PTPRC: variants seen among roughly 807,000 people sequenced by gnomAD.
PTPRC encodes the protein receptor-type tyrosine-protein phosphatase C.
A neutral mutation model predicts 155.9 loss-of-function variants in PTPRC; 44 were observed. The observed-to-expected ratio is 0.28, with a 90% CI of 0.22 to 0.36. The LOEUF (loss-of-function observed/expected upper bound fraction) is 0.36. PTPRC is among the 10% of genes least tolerant of loss of function. The pLI, the probability that PTPRC is intolerant of heterozygous loss-of-function variation, is 1.00. For missense variants in PTPRC, 1,401 were observed against 1,564.6 expected, an observed-to-expected ratio of 0.90 and a Z score of 1.76; for synonymous variants, 525 against 533.1, an observed-to-expected ratio of 0.98 and a Z score of 0.21.
At chr1:198,666,561 A>G (rs1664320768) in intron 2 of PTPRC, among the ~76,000 whole-genome samples, 1 of 152,236 alleles carries the variant, frequency 6.6e-6, no homozygotes, top group Non-Finnish European at 1.5e-5. Context: ...AGCTTAATAT[A>G]TGATGTGATA....
chr1:198,684,330 T>C (rs1003081572), intron 2 of PTPRC, among the ~76,000 whole-genome samples: 1 of 151,838 alleles, frequency 6.6e-6, no homozygotes, highest in Non-Finnish European at 1.5e-5. Context: ...CAAAGTCATA[T>C]GTATTCACAA....
At position 198,730,419 on chromosome 1, in the gene PTPRC, C is replaced by T. The variant is rs146408951; in HGVS notation, c.1865-1198C>T. ...AACTAGAATGTAAGCTTTGTGAAAG[C>T]GTGGAGGCTTTTTTCTTATTCACTG... On this transcript the variant is annotated intron_variant, in intron 17 of 32. Transcript: ENST00000442510. Among the ~76,000 whole-genome samples the T allele has an allele frequency of 1.3e-3, 197 of 152,202 alleles. 1 individual carries two copies. The highest frequency in any genetic ancestry group is 4.4e-3 in the African/African-American group (184 of 41,540).
chr1:198,712,677 T>C, intron 11 of PTPRC: 1 of 368,022 alleles, frequency 2.7e-6, no homozygotes, highest in East Asian at 5.6e-5. Context: ...CAAGAATATA[T>C]ATGAATAATG....
chr1:198,734,941 G>A (rs1050135921), intron 22 of PTPRC, among the ~76,000 whole-genome samples, 186 bp from the exon 23 acceptor site: 3 of 151,614 alleles, frequency 2.0e-5, no homozygotes, highest in Non-Finnish European at 4.4e-5. Flanking sequence ...AATTCTTCAG[G>A]ACACATTAGT....
intron 23 of PTPRC, among the ~76,000 whole-genome samples, chr1:198,741,446 AG>A (rs1371959931): frequency 6.6e-6 from 1 of 151,864 alleles, no homozygotes; most frequent in African/African-American, 2.4e-5. Context: ...TATTTTAAAC[AG>A]TTGTGAGAAT....
At chr1:198,704,751 G>T (rs998915380) in intron 8 of PTPRC, among the ~76,000 whole-genome samples, 1 of 152,146 alleles carries the variant, frequency 6.6e-6, no homozygotes, top group Admixed American at 6.5e-5. Context: ...TACCTATATT[G>T]GGAACTGTGC....
intron 2 of PTPRC, among the ~76,000 whole-genome samples, chr1:198,681,870 A>G (rs1665353189): frequency 6.6e-6 from 1 of 152,214 alleles, no homozygotes; most frequent in Non-Finnish European, 1.5e-5. Flanking sequence ...AGCATTTTGT[A>G]GCAGTTAAAT....
rs1478836105 is a variant in PTPRC at position 198,716,764 on chromosome 1, A to G, written c.1374A>G (p.Ser458=). 2 of 1,613,260 alleles carry G rather than the reference A, an allele frequency of 1.2e-6. No homozygotes were observed. The highest frequency in any genetic ancestry group is 1.7e-6 in the Non-Finnish European group (2 of 1,179,898). ...AACCTTATACGAAATATGTTTTATCATTACATGCCTACATCATTGCAAAAG... is the reference window on the plus strand; with the variant it reads ...AACCTTATACGAAATATGTTTTATCGTTACATGCCTACATCATTGCAAAAG... ...NLKPYTKYVL[S]LHAYIIAKVQ... The change falls in exon 13 of 33, where the codon TCA becomes TCG. Residue 458 remains serine, a synonymous_variant. Transcript: ENST00000442510.
At position 198,652,414 on chromosome 1, in the gene PTPRC, GA is replaced by G. The variant is rs1663301699; in HGVS notation, c.73+13076del. ...GTAGGCACTATCATTTGTGAAATCA[GA>G]AAGCATAATTTACTCCCAATGCTGA... On this transcript the variant is annotated intron_variant, in intron 2 of 32. Coordinates refer to ENST00000442510, the MANE Select transcript of PTPRC (RefSeq NM_002838.5). 5.9e-5 allele frequency among the ~76,000 whole-genome samples: 9 copies of G among 151,930 alleles called. No homozygotes were observed. The South Asian group carries it at 1.9e-3, about 32-fold the overall frequency.
rs1206761359 is a variant in PTPRC at position 198,652,565 on chromosome 1, AC to A, written c.73+13227del. On this transcript the variant is annotated intron_variant, in intron 2 of 32. Transcript: ENST00000442510. ...TAATCCAATTACGTAAACAAATATT[AC>A]CCTTTTTTTTTTTTGGTCATTGTTT... Among the ~76,000 whole-genome samples, 14 of 126,880 alleles carry A rather than the reference AC, an allele frequency of 1.1e-4. No individual in the cohort carries two copies. In the South Asian group the frequency reaches 3.9e-3, roughly 35 times the overall value. 83.2% of individuals were successfully genotyped at this position (126,880 alleles called of 152,430 possible). A position where few individuals can be genotyped will look rare whatever the true frequency, so the allele number is the denominator to read the frequency against.
chr1:198,728,442 G>C lies in PTPRC; in HGVS notation c.1823G>C (p.Arg608Thr). The change falls in exon 16 of 33, where the codon AGA (arginine) becomes ACA (threonine). Residue 608 changes from arginine to threonine, a missense_variant. Arg to Thr is a moderately conservative substitution (Grantham distance 71, BLOSUM62 -1). Transcript: ENST00000442510. ...AAAATCTATGATCTACATAAGAAAA[G>C]ATCCTGGTAAGAGTTGATTTTAAAT... Reference protein sequence around the residue: ...LYKIYDLHKKRSCNLDEQQEL... With the variant: ...LYKIYDLHKKTSCNLDEQQEL... 8 of 1,612,126 alleles carry C rather than the reference G, an allele frequency of 5.0e-6. No homozygotes were observed. The highest frequency in any genetic ancestry group is 6.8e-6 in the Non-Finnish European group (8 of 1,179,106).
At chr1:198,754,248 T>C in intron 31 of PTPRC, 21 bp from the exon 32 acceptor site, 4 of 1,597,870 alleles carry the variant, frequency 2.5e-6, no homozygotes, top group Non-Finnish European at 2.6e-6. Flanking sequence ...GATTATTTTC[T>C]ATCTTTTCTT....
intron 15 of PTPRC, among the ~76,000 whole-genome samples, chr1:198,723,924 G>A (rs1654008014): frequency 6.6e-6 from 1 of 152,216 alleles, no homozygotes; most frequent in South Asian, 2.1e-4. Flanking sequence ...TTCCAGACAT[G>A]CCAACAGGGG....
intron 23 of PTPRC, among the ~76,000 whole-genome samples, chr1:198,738,598 C>A (rs893881776): frequency 1.3e-5 from 2 of 151,506 alleles, no homozygotes; most frequent in African/African-American, 4.8e-5. Flanking sequence ...GGGATATTGA[C>A]CGGTAGTTTT....
intron 2 of PTPRC, among the ~76,000 whole-genome samples, chr1:198,664,964 T>G (rs1021433923): frequency 6.6e-5 from 10 of 152,156 alleles, no homozygotes; most frequent in Admixed American, 3.9e-4. Flanking sequence ...AGGCTAATGT[T>G]CTCGGGACTA....
At chr1:198,750,347 G>C (rs1382649310) in intron 28 of PTPRC, 145 bp from the exon 29 acceptor site, 1 of 847,286 alleles carries the variant, frequency 1.2e-6, no homozygotes, top group Non-Finnish European at 1.9e-6. Flanking sequence ...CTATTACATT[G>C]TTTCTTGTAA....
At position 198,738,321 on chromosome 1, in the gene PTPRC, T is replaced by G. The variant is rs368958059; in HGVS notation, c.2403+3069T>G. 3.3e-5 allele frequency among the ~76,000 whole-genome samples: 5 copies of G among 151,896 alleles called. No individual in the cohort carries two copies. The South Asian group carries it at 8.3e-4, about 25-fold the overall frequency. ...TGACTTTCATTCTGTTGAGGTATAT[T>G]CCTTCGTTACCCTGTTTTTTGAGGT... On this transcript the variant is annotated intron_variant, in intron 23 of 32. Coordinates refer to ENST00000442510, the MANE Select transcript of PTPRC (RefSeq NM_002838.5).
chr1:198,677,150 A>G (rs1665001407), intron 2 of PTPRC, among the ~76,000 whole-genome samples: 1 of 152,204 alleles, frequency 6.6e-6, no homozygotes, highest in South Asian at 2.1e-4. Flanking sequence ...TGGGCCTGCT[A>G]TCCATTTTAA....
chr1:198,703,660 A>G (rs899632079), intron 7 of PTPRC: 5 of 500,850 alleles, frequency 1.0e-5, no homozygotes, highest in Middle Eastern at 5.5e-4. Flanking sequence ...TTAGTAAGGA[A>G]AAGAACAAGC....
Sources: gnomAD v4.1 joint callset for allele counts (sites outside exome capture counted in the v4.1 genomes callset) on GRCh38, gnomAD v4.1.1 for gene constraint, MANE v1.5 for transcripts, NCBI Gene and HGNC (gene_info 2026-07-23, HGNC 2026-07-21) for gene names.